MED12L: variants seen among roughly 807,000 people sequenced by gnomAD.
MED12L encodes mediator complex subunit 12L, also known as mediator of RNA polymerase II transcription subunit 12-like protein.
Under a neutral mutation model 281.3 loss-of-function variants are expected in MED12L, and 60 were observed. That is an observed-to-expected ratio of 0.21 (90% CI 0.17 to 0.26). The LOEUF is 0.26. MED12L is among the 10% of genes least tolerant of loss of function. The pLI, the probability that MED12L is intolerant of heterozygous loss-of-function variation, is 1.00. For synonymous variants in MED12L, 974 were observed against 987.2 expected (o/e 0.99, Z 0.25); for missense variants, 2,146 against 2,680.9 (o/e 0.80, Z 4.41).
chr3:151,383,017 T>C (rs1029911181), intron 33 of MED12L, among the ~76,000 whole-genome samples: 4 of 152,212 alleles, frequency 2.6e-5, no homozygotes, highest in Non-Finnish European at 5.9e-5. Context: ...TCTCTTCAGT[T>C]TGTGCTAAGA....
At chr3:151,290,041 C>G (rs1744040218) in intron 16 of MED12L, among the ~76,000 whole-genome samples, 2 of 152,090 alleles carry the variant, frequency 1.3e-5, no homozygotes, top group Admixed American at 1.3e-4. Flanking sequence ...CAGGTGCACA[C>G]CACCATGCCT....
intron 5 of MED12L, among the ~76,000 whole-genome samples, chr3:151,145,556 G>T (rs79664851): frequency 6.6e-6 from 1 of 152,302 alleles, no homozygotes; most frequent in East Asian, 1.9e-4. Flanking sequence ...GGTAAGATTG[G>T]TGAGTTGCCT....
chr3:151,128,610 C>T (rs373317170), intron 5 of MED12L, among the ~76,000 whole-genome samples: 1 of 152,016 alleles, frequency 6.6e-6, no homozygotes, highest in East Asian at 1.9e-4. Flanking sequence ...GGTTGGTCTT[C>T]TCTGGAATAT....
chr3:151,354,577 T>C (rs1408375701), intron 17 of MED12L, among the ~76,000 whole-genome samples: 2 of 152,280 alleles, frequency 1.3e-5, no homozygotes, highest in Admixed American at 6.5e-5. Context: ...CCCACCTTCA[T>C]TGTGGATATC....
intron 32 of MED12L, 44 bp downstream of exon 32, chr3:151,380,268 C>T (rs371573370): frequency 2.5e-5 from 33 of 1,300,542 alleles, no homozygotes; most frequent in East Asian, 1.2e-4. Flanking sequence ...ATCTTTCTAA[C>T]GGCATTCATT....
chr3:151,365,874 C>T lies in MED12L; in HGVS notation c.3210C>T (p.Ser1070=). Reference sequence around the variant, plus strand: ...GGATTAACGACATAGCCAATTTCTCCTCTGAGCTTACGGCTTGCTGCACTG... The same window carrying T: ...GGATTAACGACATAGCCAATTTCTCTTCTGAGCTTACGGCTTGCTGCACTG... ...AGRINDIANF[S]SELTACCTVL... The change falls in exon 23 of 45, where the codon TCC becomes TCT. Residue 1070 remains serine (S), a synonymous_variant. Coordinates refer to ENST00000687756, the MANE Select transcript of MED12L (RefSeq NM_001393769.1). 6.2e-7 allele frequency: 1 copy of T among 1,611,156 alleles called. No individual in the cohort carries two copies. The highest frequency in any genetic ancestry group is 1.1e-5 in the South Asian group (1 of 90,738).
intron 16 of MED12L, chr3:151,338,348 C>T (rs770759132): frequency 6.2e-7 from 1 of 1,614,124 alleles, no homozygotes; most frequent in South Asian, 1.1e-5. Context: ...TGTCTCTCGG[C>T]TGCCTGTTGG....
chr3:151,260,118 G>A (rs916758123), intron 16 of MED12L, among the ~76,000 whole-genome samples: 1 of 152,138 alleles, frequency 6.6e-6, no homozygotes, highest in African/African-American at 2.4e-5. Context: ...GTGGGCTTAG[G>A]GTAGCAGATC....
In MED12L at chr3:151,411,478, G is replaced by T; in HGVS notation, c.6111G>T (p.Pro2037=). 6.2e-7 allele frequency: 1 copy of T among 1,614,194 alleles called. No individual in the cohort carries two copies. Among genetic ancestry groups the T allele is most frequent in the South Asian group, 1.1e-5 (1 of 91,090 alleles). Residue 2037 remains proline (P), a synonymous_variant, in exon 41 of 45, where the codon CCG becomes CCT. Coordinates refer to ENST00000687756, the MANE Select transcript of MED12L (RefSeq NM_001393769.1). ...PSGYVQQQAS[P]YLQPLTGSQR... ...GCTATGTTCAGCAGCAGGCCTCGCC[G>T]TACCTGCAGCCCCTGACTGGCTCTC...
intron 8 of MED12L, among the ~76,000 whole-genome samples, chr3:151,163,191 A>G (rs1720224520): frequency 6.6e-6 from 1 of 152,200 alleles, no homozygotes; most frequent in Non-Finnish European, 1.5e-5. Flanking sequence ...GTGACACATA[A>G]GCAAGATGGT....
chr3:151,204,916 A>T lies in MED12L; in HGVS notation c.2250+11250A>T, dbSNP rs367640390. ...GTACTTAAAAATCTACCCAGACCACAGTTTCTGTGTCTGGATTGCCAAATG... is the reference window on the plus strand; with the variant it reads ...GTACTTAAAAATCTACCCAGACCACTGTTTCTGTGTCTGGATTGCCAAATG... On this transcript the variant is annotated intron_variant, in intron 16 of 44. Transcript: ENST00000687756. 4.9e-4 allele frequency among the ~76,000 whole-genome samples: 75 copies of T among 152,334 alleles called. No individual in the cohort carries two copies. The Middle Eastern group carries it at 0.01, about 21-fold the overall frequency.
chr3:151,315,097 T>C (rs892038273), intron 16 of MED12L, among the ~76,000 whole-genome samples: 40 of 152,302 alleles, frequency 2.6e-4, no homozygotes, highest in Middle Eastern at 6.8e-3. Context: ...TTTATTGGGC[T>C]TTGAGGGATT....
Position 151,436,372 on chromosome 3 carries a change from G to T in MED12L, c.*3568G>T. 4.4e-6 allele frequency: 1 copy of T among 226,760 alleles called. No individual in the cohort carries two copies. The highest frequency in any genetic ancestry group is 5.2e-5 in the Admixed American group (1 of 19,394). 14.0% of individuals were successfully genotyped at this position (226,760 alleles called of 1,614,324 possible). On this transcript the variant is annotated 3_prime_UTR_variant, in exon 45 of 45. Transcript: ENST00000687756. ...GGACACTAGGCAACTGGTATTAGAA[G>T]TTCATTTTTTTACTGAAAAATTCAG...
At chr3:151,298,696 G>A (rs912322221) in intron 16 of MED12L, among the ~76,000 whole-genome samples, 9 of 152,064 alleles carry the variant, frequency 5.9e-5, no homozygotes, top group African/African-American at 1.7e-4. Flanking sequence ...TGTCTTTGCC[G>A]GGGGGAATAG....
chr3:151,180,616 G>A lies in MED12L; in HGVS notation c.1495-4714G>A, dbSNP rs77263813. On this transcript the variant is annotated intron_variant, in intron 11 of 44. Coordinates refer to ENST00000687756, the MANE Select transcript of MED12L (RefSeq NM_001393769.1). ...CTCCCAAACCCCAGTGGTGACATCTGGATGTGTTCAAAAGAACTCTTTTCT... is the reference window on the plus strand; with the variant it reads ...CTCCCAAACCCCAGTGGTGACATCTAGATGTGTTCAAAAGAACTCTTTTCT... Among the ~76,000 whole-genome samples the A allele has an allele frequency of 8.3e-4, 127 of 152,242 alleles. 2 individuals are homozygous for A. In the East Asian group the frequency reaches 0.022, roughly 27 times the overall value.
intron 25 of MED12L, among the ~76,000 whole-genome samples, 168 bp downstream of exon 25, chr3:151,368,419 T>G (rs892933323): frequency 2.6e-5 from 4 of 152,106 alleles, no homozygotes; most frequent in African/African-American, 9.7e-5. Flanking sequence ...TGTCAGCACC[T>G]TTTATCTGTG....
At chr3:151,403,793 T>C (rs1014899833) in intron 39 of MED12L, among the ~76,000 whole-genome samples, 2 of 152,352 alleles carry the variant, frequency 1.3e-5, no homozygotes, top group East Asian at 1.9e-4. Flanking sequence ...GATAAAGATA[T>C]CCTTAACTGC....
chr3:151,256,764 G>A (rs1401392730), intron 16 of MED12L, among the ~76,000 whole-genome samples: 2 of 149,060 alleles, frequency 1.3e-5, no homozygotes, highest in African/African-American at 4.9e-5. Context: ...TACAAGCAGA[G>A]CATTTTGTTA....
chr3:151,382,389 G>A (rs189151040), intron 32 of MED12L, among the ~76,000 whole-genome samples: 1 of 151,946 alleles, frequency 6.6e-6, no homozygotes, highest in African/African-American at 2.4e-5. Flanking sequence ...TAATTTGATG[G>A]CCCTCTCAAG....
Sources: allele counts gnomAD v4.1 joint callset (sites outside exome capture counted in the v4.1 genomes callset), GRCh38; gene constraint gnomAD v4.1.1; transcripts MANE v1.5; gene names NCBI Gene and HGNC (gene_info 2026-07-23, HGNC 2026-07-21).